The following ADGRG5 variants were observed in gnomAD, a reference collection of about 807,000 sequenced individuals.
The protein encoded by ADGRG5 is adhesion G protein-coupled receptor G5, also known as G protein-coupled receptor 114.
ADGRG5 carries 37 observed loss-of-function variants against 53.2 expected under a neutral mutation model. That is an observed-to-expected ratio of 0.70 (90% confidence interval 0.53 to 0.91). The LOEUF (loss-of-function observed/expected upper bound fraction) is 0.91, where lower values mean the gene tolerates loss of function less well. Ranked by LOEUF, ADGRG5 falls within the 40% of genes least tolerant of loss-of-function variation. ADGRG5 has a pLI of 0.00. For missense variants in ADGRG5, 614 were observed against 675.8 expected, an observed-to-expected ratio of 0.91 and a Z score of 1.01; for synonymous variants, 277 against 290.4, an observed-to-expected ratio of 0.95 and a Z score of 0.47.
Position 57,576,701 on chromosome 16 carries a change from G to A in ADGRG5, c.*1163G>A, listed in dbSNP as rs2033525902. 1 of 152,236 alleles carries A rather than the reference G, an allele frequency of 6.6e-6. No individual in the cohort carries two copies. Among genetic ancestry groups the A allele is most frequent in the Non-Finnish European group, 1.5e-5 (1 of 68,046 alleles). 9.4% of individuals were successfully genotyped at this position (152,236 alleles called of 1,614,324 possible). ...CCTACTGAGTGACCCATTTCCTCCA[G>A]GAGGAAAGGCAAGACACGCTTACAC... On this transcript the variant is annotated 3_prime_UTR_variant, in exon 12 of 12. Transcript: ENST00000349457.
At chr16:57,534,953 A>G in the ADGRG5 span, among the ~76,000 whole-genome samples, 1 of 152,202 alleles carries the variant, frequency 6.6e-6, no homozygotes, top group African/African-American at 2.4e-5. Context: ...GGAATGAGCA[A>G]TGCCAAGGCC....
the ADGRG5 span, chr16:57,529,209 C>T: frequency 8.6e-7 from 1 of 1,159,494 alleles, no homozygotes; most frequent in Non-Finnish European, 1.1e-6. The surrounding 1 kb of genome is among the most constrained non-coding windows in gnomAD (Gnocchi z 4.1). Context: ...AGCTCGAACT[C>T]GCGGTCGGGC....
At chr16:57,555,872 G>T (rs1596781332) in intron 1 of ADGRG5, among the ~76,000 whole-genome samples, 1 of 152,220 alleles carries the variant, frequency 6.6e-6, no homozygotes, top group East Asian at 1.9e-4. Flanking sequence ...TTGGATCATG[G>T]GGACAGATTT....
In ADGRG5 at chr16:57,562,098, A is replaced by G. The variant is rs749941072; in HGVS notation, c.5A>G (p.Asp2Gly). 26 of 1,589,666 alleles carry G rather than the reference A, an allele frequency of 1.6e-5. No individual in the cohort carries two copies. Among genetic ancestry groups the G allele is most frequent in the Non-Finnish European group, 2.1e-5 (25 of 1,164,456 alleles). Residue 2 changes from aspartate to glycine, a missense_variant, in exon 2 of 12, where the codon GAT becomes GGT. Asp to Gly is a moderately conservative substitution (Grantham distance 94, BLOSUM62 -1). Coordinates refer to ENST00000349457, the MANE Select transcript of ADGRG5 (RefSeq NM_001304376.3). Reference sequence around the variant, plus strand: ...GGAGGAGACTCTGCACAGGGCATGGATCACTGTGGTGCCCTTTTCCTGTGC... The same window carrying G: ...GGAGGAGACTCTGCACAGGGCATGGGTCACTGTGGTGCCCTTTTCCTGTGC... Reference protein sequence around the residue: MDHCGALFLCLC... With the variant: MGHCGALFLCLC...
At chr16:57,555,630 CTG>C (rs1327696468) in intron 1 of ADGRG5, among the ~76,000 whole-genome samples, 1 of 152,180 alleles carries the variant, frequency 6.6e-6, no homozygotes, top group African/African-American at 2.4e-5. Flanking sequence ...TTTCAAAACT[CTG>C]TTATTAGGTG....
In ADGRG5 at chr16:57,551,701, C is replaced by T. The variant is rs548648411; in HGVS notation, c.-39+9000C>T. On this transcript the variant is annotated intron_variant, in intron 1 of 11. Transcript: ENST00000349457. ...AAGCATGGAATCAACCTCTTCCAAA[C>T]TCCTGTTAATGTTGATATTTTGACT... Among the ~76,000 whole-genome samples the T allele has an allele frequency of 4.0e-4, 61 of 152,342 alleles. 1 individual carries two copies. In the South Asian group the frequency reaches 0.012, roughly 31 times the overall value.
At chr16:57,572,034 C>A (rs2033376179) in intron 10 of ADGRG5, among the ~76,000 whole-genome samples, 1 of 152,092 alleles carries the variant, frequency 6.6e-6, no homozygotes, top group South Asian at 2.1e-4. Context: ...AGAACACCCA[C>A]CTACGAGCCA....
intron 1 of ADGRG5, among the ~76,000 whole-genome samples, chr16:57,549,478 G>A (rs1324390671): frequency 2.0e-5 from 3 of 152,164 alleles, no homozygotes; most frequent in African/African-American, 7.2e-5. Context: ...TCTAAGAGGA[G>A]GATCATCAGT....
intron 9 of ADGRG5, among the ~76,000 whole-genome samples, 153 bp downstream of exon 9, chr16:57,568,277 A>G (rs2033202097): frequency 6.6e-6 from 1 of 151,762 alleles, no homozygotes; most frequent in African/African-American, 2.4e-5. Flanking sequence ...TCTACTTTCT[A>G]TGTTACTAAT....
chr16:57,530,531 C>G, the ADGRG5 span, among the ~76,000 whole-genome samples: 1 of 152,224 alleles, frequency 6.6e-6, no homozygotes, highest in Non-Finnish European at 1.5e-5. Context: ...TGGCAGCCCT[C>G]TATGTCCCCT....
rs145891107 is a variant in ADGRG5, at chr16:57,566,548, A to G, written c.547-51A>G. 25 of 1,383,354 alleles carry G rather than the reference A, an allele frequency of 1.8e-5. No individual in the cohort carries two copies. In the East Asian group the frequency reaches 6.9e-4, roughly 38 times the overall value. 85.7% of individuals were successfully genotyped at this position (1,383,354 alleles called of 1,614,324 possible). A position where few individuals can be genotyped will look rare whatever the true frequency, so the allele number is the denominator to read the frequency against. ...TGGCCCCCAGGACTCCCAGACACTG[A>G]TCTGCAGCCTTTCCTCTGCACCCTA... On this transcript the variant is annotated intron_variant, in intron 6 of 11. Coordinates refer to ENST00000349457, the MANE Select transcript of ADGRG5 (RefSeq NM_001304376.3).
rs1246110591 is a variant in ADGRG5, at chr16:57,575,466, C to A, written c.1515C>A (p.Ser505=). The part of the protein sequence containing the change: ...YGFFLFLWFC[S]QRCRSEAEAK... ...TCTTCCTTTTCCTGTGGTTCTGCTC[C>A]CAGCGGTGCCGCTCAGAAGCAGAGG... Residue 505 remains serine, a synonymous_variant, in exon 12 of 12, where the codon TCC becomes TCA. Coordinates refer to ENST00000349457, the MANE Select transcript of ADGRG5 (RefSeq NM_001304376.3). 1.2e-6 allele frequency: 2 copies of A among 1,614,058 alleles called. No individual in the cohort carries two copies. The highest frequency in any genetic ancestry group is 2.7e-5 in the African/African-American group (2 of 74,936).
chr16:57,562,719 G>T, intron 3 of ADGRG5: 1 of 551,544 alleles, frequency 1.8e-6, no homozygotes, highest in Non-Finnish European at 3.2e-6. Flanking sequence ...TCCTGGGAAG[G>T]GGGTCTAAGA....
At chr16:57,534,206 C>T in the ADGRG5 span, among the ~76,000 whole-genome samples, 1 of 152,154 alleles carries the variant, frequency 6.6e-6, no homozygotes, top group Admixed American at 6.5e-5. Context: ...CACAGCCAAG[C>T]CTGGCAAGCT....
At position 57,570,410 on chromosome 16, in the gene ADGRG5, C is replaced by G; in HGVS notation, c.1091-8C>G. Reference sequence around the variant, plus strand: ...CCACATCTCCTGAGCCTTTGTCCCACCCCTCAGGGGCCCCAGCCCTCCTGG... The same window carrying G: ...CCACATCTCCTGAGCCTTTGTCCCAGCCCTCAGGGGCCCCAGCCCTCCTGG... On this transcript the variant is annotated splice_region_variant and splice_polypyrimidine_tract_variant and intron_variant, in intron 9 of 11. Coordinates refer to ENST00000349457, the MANE Select transcript of ADGRG5 (RefSeq NM_001304376.3). 1 of 1,599,716 alleles carries G rather than the reference C, an allele frequency of 6.3e-7. No individual in the cohort carries two copies.
Position 57,574,678 on chromosome 16 carries a change from G to T in ADGRG5, c.1209-137G>T. The T allele has an allele frequency of 1.1e-6, 1 of 915,724 alleles. No homozygotes were observed. The highest frequency in any genetic ancestry group is 1.6e-6 in the Non-Finnish European group (1 of 638,192). The allele number at this position is 915,724 out of a possible 1,614,324, so 56.7% of individuals were successfully genotyped here. A position where few individuals can be genotyped will look rare whatever the true frequency, so the allele number is the denominator to read the frequency against. ...GGCCTGGCTGGAAAGCCGGGTGAGGGGTTTCACTGTGTGTTCAGTCAGGCA... is the reference window on the plus strand; with the variant it reads ...GGCCTGGCTGGAAAGCCGGGTGAGGTGTTTCACTGTGTGTTCAGTCAGGCA... On this transcript the variant is annotated intron_variant, in intron 10 of 11. Coordinates refer to ENST00000349457, the MANE Select transcript of ADGRG5 (RefSeq NM_001304376.3). This position sits in a 1 kb window ranked among gnomAD's most constrained non-coding sequence, Gnocchi z 4.4.
At chr16:57,559,277 C>G (rs966432572) in intron 1 of ADGRG5, among the ~76,000 whole-genome samples, 1 of 152,352 alleles carries the variant, frequency 6.6e-6, no homozygotes, top group Middle Eastern at 3.4e-3. Flanking sequence ...TAAATCAAAG[C>G]AAAGCCAGGG....
intron 1 of ADGRG5, among the ~76,000 whole-genome samples, chr16:57,557,861 C>T (rs1434612227): frequency 4.6e-5 from 7 of 152,188 alleles, no homozygotes; most frequent in Admixed American, 4.6e-4. Flanking sequence ...AATTTCCCGT[C>T]TGTTCTTAGA....
At chr16:57,553,123 GA>G (rs1245478060) in intron 1 of ADGRG5, among the ~76,000 whole-genome samples, 1 of 152,090 alleles carries the variant, frequency 6.6e-6, no homozygotes, top group African/African-American at 2.4e-5. Context: ...TAATAATAAT[GA>G]AAAAGTTTGA....
Sources: allele counts gnomAD v4.1 joint callset (sites outside exome capture counted in the v4.1 genomes callset), GRCh38; gene constraint gnomAD v4.1.1; non-coding constraint Gnocchi (gnomAD v3.1); transcripts MANE v1.5; gene names NCBI Gene and HGNC (gene_info 2026-07-23, HGNC 2026-07-21).